The following ZNF407 variants were observed in gnomAD, a reference collection of about 807,000 sequenced individuals.
The protein encoded by ZNF407 is zinc finger protein 407.
Under a neutral mutation model 131.2 loss-of-function variants are expected in ZNF407, and 17 were observed. The observed-to-expected ratio is 0.13, with a 90% CI of 0.09 to 0.19. ZNF407 has a LOEUF of 0.19. Among genes scored for constraint, ZNF407 ranks in the 10% least tolerant of loss-of-function variants. ZNF407 has a pLI of 1.00. For synonymous variants in ZNF407, 1,156 were observed against 1,062.0 expected (o/e 1.09, Z -1.72); for missense variants, 2,681 against 2,830.6 (o/e 0.95, Z 1.20).
intron 3 of ZNF407, among the ~76,000 whole-genome samples, chr18:74,749,017 G>T (rs1178881763): frequency 6.6e-6 from 1 of 152,094 alleles, no homozygotes; most frequent in East Asian, 1.9e-4. Context: ...GTGCTCATGG[G>T]CAGAGCTCAG....
At chr18:74,717,109 C>G (rs1967913178) in intron 3 of ZNF407, among the ~76,000 whole-genome samples, 1 of 152,158 alleles carries the variant, frequency 6.6e-6, no homozygotes, top group Admixed American at 6.5e-5. Flanking sequence ...GCATGTGTAT[C>G]TTTTAGCATT....
At chr18:74,787,411 T>C (rs1969739879) in intron 4 of ZNF407, among the ~76,000 whole-genome samples, 1 of 152,312 alleles carries the variant, frequency 6.6e-6, no homozygotes, top group African/African-American at 2.4e-5. Flanking sequence ...TTACTAACAA[T>C]AATATTTTCT....
Position 75,048,204 on chromosome 18 carries a change from C to T in ZNF407, c.5429-14946C>T, listed in dbSNP as rs1973458012. Among the ~76,000 whole-genome samples, 1 of 152,240 alleles carries T rather than the reference C, an allele frequency of 6.6e-6. No homozygotes were observed. The highest frequency in any genetic ancestry group is 6.5e-5 in the Admixed American group (1 of 15,278). On this transcript the variant is annotated intron_variant, in intron 8 of 8. Coordinates refer to ENST00000299687, the MANE Select transcript of ZNF407 (RefSeq NM_017757.3). The surrounding 1 kb of genome is among the most constrained non-coding windows in gnomAD (Gnocchi z 4.1). ...CGTCTCCCGGTGACCTGTACAGACA[C>T]CGCCCTTTTTGCTCTCAATGGTATT...
chr18:74,767,820 A>ATTTTTTTTTTTTTTTTTTTT (rs10692267), intron 3 of ZNF407, among the ~76,000 whole-genome samples: 1 of 114,102 alleles, frequency 8.8e-6, no homozygotes, highest in Non-Finnish European at 1.7e-5. Context: ...CGCCTGGCTA[A>ATTTTTTTTTTTTTTTTTTTT]TTTTTTTTTT....
chr18:74,968,612 C>T (rs182965852), intron 8 of ZNF407, among the ~76,000 whole-genome samples: 1 of 152,274 alleles, frequency 6.6e-6, no homozygotes, highest in Non-Finnish European at 1.5e-5. Flanking sequence ...GTGCCTCTTT[C>T]GTCTGATCTT....
chr18:74,790,236 A>G (rs1198478478), intron 4 of ZNF407, among the ~76,000 whole-genome samples: 2 of 152,136 alleles, frequency 1.3e-5, no homozygotes, highest in East Asian at 3.9e-4. Flanking sequence ...TATGGTTAGT[A>G]CTCTTATAAT....
chr18:74,739,520 ATATG>A (rs1252420079), intron 3 of ZNF407, among the ~76,000 whole-genome samples: 2 of 151,478 alleles, frequency 1.3e-5, no homozygotes, highest in African/African-American at 4.8e-5. Flanking sequence ...TTATATATAT[ATATG>A]TATGTATGTA....
At chr18:74,837,132 A>G (rs1200204828) in intron 4 of ZNF407, among the ~76,000 whole-genome samples, 1 of 152,202 alleles carries the variant, frequency 6.6e-6, no homozygotes, top group African/African-American at 2.4e-5. Flanking sequence ...ACCTACTATT[A>G]AATGTGTTGA....
At position 74,877,112 on chromosome 18, in the gene ZNF407, C is replaced by T. The variant is rs910954260; in HGVS notation, c.4878-85C>T. 25 of 1,243,198 alleles carry T rather than the reference C, an allele frequency of 2.0e-5. No individual in the cohort carries two copies. In the African/African-American group the frequency reaches 3.2e-4, roughly 16 times the overall value. 77.0% of individuals were successfully genotyped at this position (1,243,198 alleles called of 1,614,324 possible). On this transcript the variant is annotated intron_variant, in intron 4 of 8. Coordinates refer to ENST00000299687, the MANE Select transcript of ZNF407 (RefSeq NM_017757.3). ...CGCAGAGGCTGCGTGTGCACCGCAC[C>T]TCAGGGTTCGCACACGCGCTGCCTG...
intron 8 of ZNF407, among the ~76,000 whole-genome samples, chr18:74,982,855 A>T (rs975513241): frequency 3.9e-5 from 6 of 152,224 alleles, no homozygotes; most frequent in South Asian, 2.1e-4. Context: ...TAGCATTTTT[A>T]AAAAATTGAT....
intron 8 of ZNF407, among the ~76,000 whole-genome samples, chr18:75,004,166 T>C (rs1027548181): frequency 3.0e-4 from 45 of 152,204 alleles, no homozygotes; most frequent in African/African-American, 4.8e-4. Context: ...GTGTGCGCCA[T>C]GGCCTCTCCG....
intron 4 of ZNF407, among the ~76,000 whole-genome samples, chr18:74,808,066 T>G (rs1174050592): frequency 6.6e-6 from 1 of 151,640 alleles, no homozygotes; most frequent in Non-Finnish European, 1.5e-5. Context: ...CAGGCTGGAG[T>G]TCGATGGCGC....
At chr18:74,790,420 T>G (rs1969804079) in intron 4 of ZNF407, among the ~76,000 whole-genome samples, 1 of 152,242 alleles carries the variant, frequency 6.6e-6, no homozygotes, top group African/African-American at 2.4e-5. Flanking sequence ...AGGATTTTCC[T>G]TTTCTACTAC....
intron 3 of ZNF407, among the ~76,000 whole-genome samples, chr18:74,746,933 A>G (rs527525173): frequency 3.3e-5 from 5 of 152,180 alleles, no homozygotes; most frequent in Non-Finnish European, 7.4e-5. Context: ...ATACCTTTAT[A>G]TGTTTGACAG....
intron 8 of ZNF407, among the ~76,000 whole-genome samples, chr18:74,965,013 C>T (rs912827359): frequency 3.3e-5 from 5 of 152,098 alleles, no homozygotes; most frequent in Admixed American, 1.3e-4. Flanking sequence ...ATATAGTGTA[C>T]GTGTAGTCCC....
chr18:74,884,257 T>C (rs1971277757), intron 6 of ZNF407, among the ~76,000 whole-genome samples: 1 of 152,242 alleles, frequency 6.6e-6, no homozygotes, highest in Non-Finnish European at 1.5e-5. Context: ...TCTATATTTT[T>C]GTCTGCATAT....
chr18:74,705,871 T>C (rs1967612847), intron 3 of ZNF407, among the ~76,000 whole-genome samples: 1 of 152,222 alleles, frequency 6.6e-6, no homozygotes, highest in African/African-American at 2.4e-5. Flanking sequence ...TTACTATGTA[T>C]AGATCAAAGA....
intron 4 of ZNF407, among the ~76,000 whole-genome samples, chr18:74,858,367 G>C (rs1950770448): frequency 6.6e-6 from 1 of 152,012 alleles, no homozygotes; most frequent in Non-Finnish European, 1.5e-5. Flanking sequence ...TGTTGCAGTG[G>C]TCATCTTCAG....
chr18:74,614,125 TA>T (rs1442160852), intron 1 of ZNF407, among the ~76,000 whole-genome samples: 7 of 152,210 alleles, frequency 4.6e-5, no homozygotes, highest in African/African-American at 1.7e-4. Flanking sequence ...TAATTTGAAA[TA>T]TAATTTTAAA....
Sources: gnomAD v4.1 joint callset for allele counts (sites outside exome capture counted in the v4.1 genomes callset) on GRCh38, gnomAD v4.1.1 for gene constraint, Gnocchi (gnomAD v3.1) non-coding constraint, MANE v1.5 for transcripts, NCBI Gene and HGNC (gene_info 2026-07-23, HGNC 2026-07-21) for gene names.